The following RASGRP1 variants were observed in gnomAD, a reference collection of about 807,000 sequenced individuals.
RASGRP1 encodes the protein RAS guanyl releasing protein 1.
Under a neutral mutation model 95.1 loss-of-function variants are expected in RASGRP1, and 37 were observed. That is an observed-to-expected ratio of 0.39 (90% CI 0.30 to 0.51). The LOEUF is 0.51. Among genes scored for constraint, RASGRP1 ranks in the 20% least tolerant of loss-of-function variants. The pLI is 0.80. For synonymous variants in RASGRP1, 325 were observed against 353.4 expected (o/e 0.92, Z 0.90); for missense variants, 711 against 965.4 (o/e 0.74, Z 3.49).
At position 38,518,436 on chromosome 15, in the gene RASGRP1, G is replaced by T. The variant is rs1198670038; in HGVS notation, c.390-13C>A. The T allele has an allele frequency of 1.4e-5, 23 of 1,594,178 alleles. No homozygotes were observed. The highest frequency in any genetic ancestry group is 6.8e-5 in the East Asian group (3 of 44,078). On this transcript the variant is annotated splice_polypyrimidine_tract_variant and intron_variant, in intron 4 of 16. Transcript: ENST00000310803. ...TGTTATCCAATACCTACAAGGAGGG[G>T]GTTAAAAAACACAATCCAAAACTGA...
intron 3 of RASGRP1, among the ~76,000 whole-genome samples, chr15:38,522,208 G>A (rs1345960170): frequency 1.3e-5 from 2 of 152,172 alleles, no homozygotes; most frequent in Non-Finnish European, 2.9e-5. Context: ...GTAAGTTACA[G>A]TGTACATACT....
chr15:38,558,760 T>C (rs964723690), intron 2 of RASGRP1, among the ~76,000 whole-genome samples: 5 of 152,224 alleles, frequency 3.3e-5, no homozygotes, highest in African/African-American at 1.2e-4. Context: ...TGTACTACAT[T>C]GTACTAAATG....
rs540100580 is a variant in RASGRP1 at position 38,494,580 on chromosome 15, T to G, written c.2061A>C (p.Ser687=). ...SQPWIGSEGP[S]GPFVLSSPRK... ...TTGGGGAAGACAGCACAAAGGGACCTGAAGGGCCCTCACTGCCAATCCAAG... is the reference window on the plus strand; with the variant it reads ...TTGGGGAAGACAGCACAAAGGGACCGGAAGGGCCCTCACTGCCAATCCAAG... The change falls in exon 16 of 17, where the codon TCA becomes TCC. Residue 687 remains serine (S), a synonymous_variant. Transcript: ENST00000310803. 1.9e-6 allele frequency: 3 copies of G among 1,564,638 alleles called. No homozygotes were observed. The highest frequency in any genetic ancestry group is 2.6e-6 in the Non-Finnish European group (3 of 1,158,010).
chr15:38,538,438 TGCAGCATCTAACCAGAA>T (rs1309549528), intron 2 of RASGRP1, among the ~76,000 whole-genome samples: 1 of 152,146 alleles, frequency 6.6e-6, no homozygotes, highest in Admixed American at 6.5e-5. Context: ...TTGGAAGAAA[TGCAGCATCTAACCAGAA>T]GAAATGAACT....
At chr15:38,564,573 G>C in intron 1 of RASGRP1, 21 bp downstream of exon 1, 1 of 1,370,086 alleles carries the variant, frequency 7.3e-7, no homozygotes, top group South Asian at 1.9e-5. Context: ...GCTCCCGAGG[G>C]CCACGGCCGC....
At chr15:38,502,869 G>C (rs987317025) in intron 11 of RASGRP1, 30 of 239,816 alleles carry the variant, frequency 1.3e-4, no homozygotes, top group Non-Finnish European at 1.4e-4. Context: ...TTGTCCACGA[G>C]GATACATGCA....
At chr15:38,526,043 G>A (rs1892206591) in intron 3 of RASGRP1, among the ~76,000 whole-genome samples, 1 of 152,050 alleles carries the variant, frequency 6.6e-6, no homozygotes, top group South Asian at 2.1e-4. Flanking sequence ...ACTATTAAGA[G>A]CCTGAAGATT....
intron 12 of RASGRP1, 116 bp from the exon 13 acceptor site, chr15:38,501,403 G>T: frequency 8.2e-7 from 1 of 1,214,422 alleles, no homozygotes; most frequent in Non-Finnish European, 1.2e-6. Flanking sequence ...TGGTAATATG[G>T]TATGTGCTAC....
intron 2 of RASGRP1, among the ~76,000 whole-genome samples, chr15:38,540,027 C>T (rs1317469023): frequency 6.6e-6 from 1 of 152,118 alleles, no homozygotes; most frequent in East Asian, 1.9e-4. Flanking sequence ...AGTAACCTTC[C>T]CACCTCAGCC....
intron 8 of RASGRP1, 56 bp downstream of exon 8, chr15:38,511,548 T>C (rs1434419741): frequency 1.5e-6 from 2 of 1,368,360 alleles, no homozygotes; most frequent in Non-Finnish European, 2.1e-6. Context: ...GGAGAAAATG[T>C]TGGCACACAT....
chr15:38,495,207 T>C (rs1890752021), intron 15 of RASGRP1, among the ~76,000 whole-genome samples: 1 of 152,198 alleles, frequency 6.6e-6, no homozygotes. Context: ...GTAAGTACTC[T>C]CTGGGAACCC....
At chr15:38,521,082 T>C (rs1212772704) in intron 3 of RASGRP1, among the ~76,000 whole-genome samples, 1 of 152,100 alleles carries the variant, frequency 6.6e-6, no homozygotes, top group East Asian at 1.9e-4. Flanking sequence ...CTTCATGAAG[T>C]AGAAAGTTTT....
chr15:38,561,802 G>A (rs773164093), intron 1 of RASGRP1, among the ~76,000 whole-genome samples: 6 of 152,318 alleles, frequency 3.9e-5, no homozygotes, highest in Non-Finnish European at 5.9e-5. Context: ...AGATCAAGTC[G>A]GTGGTACAGG....
intron 2 of RASGRP1, among the ~76,000 whole-genome samples, chr15:38,551,964 G>A (rs1893356694): frequency 6.6e-6 from 1 of 152,176 alleles, no homozygotes; most frequent in Non-Finnish European, 1.5e-5. Context: ...AAATGATTAA[G>A]CAGATGGAAT....
chr15:38,494,839 T>G lies in RASGRP1; in HGVS notation c.1874-72A>C. The G allele has an allele frequency of 1.3e-5, 16 of 1,228,480 alleles. 1 individual carries two copies. Among genetic ancestry groups the G allele is most frequent in the Non-Finnish European group, 1.7e-5 (16 of 949,956 alleles). 76.1% of individuals were successfully genotyped at this position (1,228,480 alleles called of 1,614,324 possible). ...GAGACTCAAGACTGAGACATTAGTTTCAATGAGACCTTTCTTATTGTTACT... is the reference window on the plus strand; with the variant it reads ...GAGACTCAAGACTGAGACATTAGTTGCAATGAGACCTTTCTTATTGTTACT... On this transcript the variant is annotated intron_variant, in intron 15 of 16. Transcript: ENST00000310803.
chr15:38,514,048 C>T (rs1891657026), intron 6 of RASGRP1, among the ~76,000 whole-genome samples: 3 of 151,862 alleles, frequency 2.0e-5, no homozygotes, highest in East Asian at 3.9e-4. Flanking sequence ...TCTGCTGACC[C>T]ATGTTAGACA....
At chr15:38,548,279 G>C (rs778483723) in intron 2 of RASGRP1, among the ~76,000 whole-genome samples, 13 of 152,234 alleles carry the variant, frequency 8.5e-5, no homozygotes, top group Middle Eastern at 3.4e-3. Context: ...TATATTGTTA[G>C]AGGTCGGGTG....
chr15:38,548,719 C>T (rs945402357), intron 2 of RASGRP1, among the ~76,000 whole-genome samples: 1 of 152,212 alleles, frequency 6.6e-6, no homozygotes, highest in South Asian at 2.1e-4. Context: ...TGTATGTGTA[C>T]ACACACATAA....
At chr15:38,492,320 C>T (rs186308970) in intron 16 of RASGRP1, among the ~76,000 whole-genome samples, 4 of 152,304 alleles carry the variant, frequency 2.6e-5, no homozygotes, top group Admixed American at 2.6e-4. Flanking sequence ...GTACCAAGCA[C>T]CAAATCAAGA....
Sources: gnomAD v4.1 joint callset for allele counts (sites outside exome capture counted in the v4.1 genomes callset) on GRCh38, gnomAD v4.1.1 for gene constraint, MANE v1.5 for transcripts, NCBI Gene and HGNC (gene_info 2026-07-23, HGNC 2026-07-21) for gene names.